Variants in DMD observed in about 807,000 individuals in gnomAD.
DMD encodes dystrophin, also known as mutant dystrophin.
A neutral mutation model predicts 330.1 loss-of-function variants in DMD; 63 were observed. The observed-to-expected ratio is 0.19, with a 90% confidence interval of 0.16 to 0.24. The LOEUF (loss-of-function observed/expected upper bound fraction) is 0.24, where lower values mean the gene tolerates loss of function less well. Ranked by LOEUF, DMD falls within the 10% of genes least tolerant of loss-of-function variation. The probability of loss-of-function intolerance (pLI) is 1.00; values close to 1 mark genes in which losing one functional copy is unlikely to be tolerated. For synonymous variants in DMD, 1,223 were observed against 959.8 expected, an observed-to-expected ratio of 1.27 and a Z score of -5.07; for missense variants, 3,344 against 2,684.1, an observed-to-expected ratio of 1.25 and a Z score of -5.43.
At chrX:33,023,849 C>A (rs1348850242) in intron 1 of DMD, among the ~76,000 whole-genome samples, 1 of 111,326 alleles carries the variant, frequency 9.0e-6, no homozygotes, top group Non-Finnish European at 1.9e-5. Flanking sequence ...GACCTCCTTG[C>A]AGAAAACTCC....
At chrX:33,101,978 A>T (rs1205556613) in intron 1 of DMD, among the ~76,000 whole-genome samples, 1 of 112,005 alleles carries the variant, frequency 8.9e-6, no homozygotes, top group Non-Finnish European at 1.9e-5. Flanking sequence ...CTTTCAAAGA[A>T]GGTTTTCAAT....
intron 2 of DMD, among the ~76,000 whole-genome samples, chrX:32,926,716 C>T (rs1204416028): frequency 1.9e-5 from 2 of 103,433 alleles, no homozygotes; most frequent in Non-Finnish European, 3.9e-5. Context: ...CAAGCCACTG[C>T]ACTCCTGCCT....
chrX:32,185,781 A>G (rs2096943545), intron 44 of DMD, among the ~76,000 whole-genome samples: 1 of 110,707 alleles, frequency 9.0e-6, no homozygotes, highest in Admixed American at 9.7e-5. Context: ...AAAAGTGTAT[A>G]GCATGGAAAA....
chrX:32,252,765 T>A (rs58625807), intron 43 of DMD, among the ~76,000 whole-genome samples: 426 of 38,748 alleles, frequency 0.011, 37 homozygotes, highest in East Asian at 0.1. Context: ...AATATATAAA[T>A]ATATATAAAT....
At chrX:33,204,920 T>G (rs1441315344) in intron 1 of DMD, among the ~76,000 whole-genome samples, 1 of 112,634 alleles carries the variant, frequency 8.9e-6, no homozygotes, top group African/African-American at 3.2e-5. Flanking sequence ...GCCATAGGCT[T>G]GAGCAAAGTG....
chrX:32,958,999 A>G (rs978226793), intron 2 of DMD, among the ~76,000 whole-genome samples: 4 of 108,282 alleles, frequency 3.7e-5, no homozygotes, highest in Non-Finnish European at 7.8e-5. Flanking sequence ...AATATGTCTA[A>G]AGGTAATACA....
At chrX:31,685,209 T>C (rs2082610203) in intron 52 of DMD, among the ~76,000 whole-genome samples, 1 of 107,701 alleles carries the variant, frequency 9.3e-6, no homozygotes, top group African/African-American at 3.3e-5. Flanking sequence ...GAAGGGATTT[T>C]TGCCACCAAT....
At chrX:32,955,965 G>A (rs2091558234) in intron 2 of DMD, among the ~76,000 whole-genome samples, 2 of 111,922 alleles carry the variant, frequency 1.8e-5, no homozygotes, top group African/African-American at 6.5e-5. Flanking sequence ...TTTGAAGTCA[G>A]GTAATGTGAT....
chrX:32,055,408 A>T (rs1249840011), intron 44 of DMD, among the ~76,000 whole-genome samples: 1 of 112,286 alleles, frequency 8.9e-6, no homozygotes, highest in Non-Finnish European at 1.9e-5. Context: ...AAGCATATTT[A>T]AAAATAAATT....
chrX:32,117,163 A>C (rs1012389251), intron 44 of DMD, among the ~76,000 whole-genome samples: 3 of 110,911 alleles, frequency 2.7e-5, no homozygotes, highest in African/African-American at 9.9e-5. Context: ...GACAAATGGG[A>C]ATTCTTAAGA....
chrX:33,051,646 A>ATTTTTTTATTTTTTTTTTT (rs2094458500), intron 1 of DMD, among the ~76,000 whole-genome samples: 4 of 71,959 alleles, frequency 5.6e-5, no homozygotes, highest in African/African-American at 2.6e-4. Context: ...ATTACGCTCT[A>ATTTTTTTATTTTTTTTTTT]TTTTTTTTTT....
intron 35 of DMD, 28 bp downstream of exon 35, chrX:32,364,992 T>A: frequency 3.0e-5 from 36 of 1,202,095 alleles, no homozygotes; most frequent in Non-Finnish European, 3.9e-5. Context: ...CAGAGAAGGG[T>A]GTAAAAGCTT....
intron 66 of DMD, among the ~76,000 whole-genome samples, chrX:31,204,870 C>A (rs1463046026): frequency 8.9e-6 from 1 of 112,259 alleles, no homozygotes. Context: ...GATCCTCCTA[C>A]CTCGGCCTCC....
chrX:32,886,497 C>A (rs1159982068), intron 2 of DMD, among the ~76,000 whole-genome samples: 1 of 110,171 alleles, frequency 9.1e-6, no homozygotes, highest in African/African-American at 3.3e-5. Context: ...TCCTGGCGAA[C>A]ACGGTGAAAC....
At chrX:32,634,121 G>C (rs1371238836) in intron 11 of DMD, among the ~76,000 whole-genome samples, 1 of 111,771 alleles carries the variant, frequency 8.9e-6, no homozygotes, top group Non-Finnish European at 1.9e-5. Flanking sequence ...AAACAGAGAT[G>C]TCTCTCCTCA....
chrX:32,362,983 G>C (rs1204515533), intron 36 of DMD, 25 bp from the exon 37 acceptor site: 1 of 1,187,100 alleles, frequency 8.4e-7, no homozygotes, highest in Non-Finnish European at 1.1e-6. Flanking sequence ...CAAGAGATAG[G>C]ACTTGAAGTT....
At chrX:31,496,586 C>T (rs915367234) in intron 57 of DMD, among the ~76,000 whole-genome samples, 34 of 111,705 alleles carry the variant, frequency 3.0e-4, no homozygotes, top group African/African-American at 9.1e-4. Flanking sequence ...AAGAGATGGA[C>T]GATTTCTTAA....
chrX:31,607,147 T>C (rs1285712860), intron 55 of DMD, among the ~76,000 whole-genome samples: 2 of 111,890 alleles, frequency 1.8e-5, no homozygotes, highest in Non-Finnish European at 3.8e-5. Context: ...TCTGACTTTC[T>C]TTCTTTAAGG....
At chrX:32,805,339 C>T (rs973890702) in intron 7 of DMD, among the ~76,000 whole-genome samples, 21 of 111,287 alleles carry the variant, frequency 1.9e-4, no homozygotes, top group Non-Finnish European at 3.4e-4. Context: ...ATAGCTCAAT[C>T]GATCCAGCAG....
Sources: gnomAD v4.1 joint callset for allele counts (sites outside exome capture counted in the v4.1 genomes callset) on GRCh38, gnomAD v4.1.1 for gene constraint, MANE v1.5 for transcripts, NCBI Gene and HGNC (gene_info 2026-07-23, HGNC 2026-07-21) for gene names.